BCAS3: variants seen among roughly 807,000 people sequenced by gnomAD.
BCAS3 encodes BCAS3 microtubule associated cell migration factor.
BCAS3 carries 53 observed loss-of-function variants against 116.1 expected under a neutral mutation model. The ratio of observed to expected loss-of-function variants is 0.46; its 90% CI spans 0.37 to 0.57. The LOEUF (loss-of-function observed/expected upper bound fraction) is 0.57. BCAS3 is among the 20% of genes least tolerant of loss of function. The pLI, the probability that BCAS3 is intolerant of heterozygous loss-of-function variation, is 0.00. For synonymous variants in BCAS3, 391 were observed against 408.2 expected (o/e 0.96, Z 0.51); for missense variants, 917 against 1,165.4 (o/e 0.79, Z 3.10).
At chr17:61,027,020 C>T (rs913863461) in intron 16 of BCAS3, 2 of 881,026 alleles carry the variant, frequency 2.3e-6, no homozygotes, top group African/African-American at 3.4e-5. Context: ...GATAGATGCA[C>T]CAAGTTACTG....
chr17:60,963,783 C>T (rs981803372), intron 14 of BCAS3, among the ~76,000 whole-genome samples: 1 of 152,152 alleles, frequency 6.6e-6, no homozygotes, highest in East Asian at 1.9e-4. Context: ...TCTCGATCTC[C>T]TGACCTCATG....
chr17:61,192,896 C>G (rs193216459), intron 22 of BCAS3, among the ~76,000 whole-genome samples: 1 of 152,146 alleles, frequency 6.6e-6, no homozygotes, highest in East Asian at 1.9e-4. Flanking sequence ...TGGAGTTGTT[C>G]GCTGGCAATT....
At chr17:60,842,878 T>G (rs528200492) in intron 7 of BCAS3, among the ~76,000 whole-genome samples, 1 of 151,528 alleles carries the variant, frequency 6.6e-6, no homozygotes, top group Admixed American at 6.6e-5. Flanking sequence ...TTTTTTTATA[T>G]TTTTATTTTT....
chr17:61,262,684 A>T (rs1283347324), intron 22 of BCAS3, among the ~76,000 whole-genome samples: 1 of 141,056 alleles, frequency 7.1e-6, no homozygotes, highest in African/African-American at 2.7e-5. Flanking sequence ...CCCGGCCAGG[A>T]GACTTAATTT....
intron 22 of BCAS3, among the ~76,000 whole-genome samples, chr17:61,319,984 G>A (rs2055068674): frequency 6.7e-6 from 1 of 150,082 alleles, no homozygotes; most frequent in African/African-American, 2.5e-5. Context: ...TCTGCCTCCT[G>A]GGTTCAAGCA....
At chr17:60,924,847 G>C (rs1331708299) in intron 13 of BCAS3, among the ~76,000 whole-genome samples, 1 of 150,222 alleles carries the variant, frequency 6.7e-6, no homozygotes, top group Non-Finnish European at 1.5e-5. Flanking sequence ...TTTGTAACTT[G>C]AAGTTTTGTG....
intron 15 of BCAS3, among the ~76,000 whole-genome samples, chr17:60,992,116 T>G (rs965346108): frequency 6.6e-6 from 1 of 151,796 alleles, no homozygotes; most frequent in African/African-American, 2.4e-5. Flanking sequence ...TTCTTTTGAG[T>G]ATGTACCTAT....
rs573550411 is a variant in BCAS3 at position 61,105,322 on chromosome 17, C to G, written c.2425+20758C>G. ...AGAAAAACCTAGGAGGAGCTAGTTC[C>G]ATTTGTGAGGTTTTCAATAAAACTT... On this transcript the variant is annotated intron_variant, in intron 22 of 23. Transcript: ENST00000407086. This position sits in a 1 kb window ranked among gnomAD's most constrained non-coding sequence, Gnocchi z 4.3. Among the ~76,000 whole-genome samples, 4 of 152,154 alleles carry G rather than the reference C, an allele frequency of 2.6e-5. No individual in the cohort carries two copies. The highest frequency in any genetic ancestry group is 7.2e-5 in the African/African-American group (3 of 41,436).
chr17:61,210,492 T>C (rs1488677781), intron 22 of BCAS3, among the ~76,000 whole-genome samples: 2 of 152,194 alleles, frequency 1.3e-5, no homozygotes, highest in Non-Finnish European at 2.9e-5. Context: ...GAGCCAGCAG[T>C]AAGAAGTAAG....
At position 61,133,859 on chromosome 17, in the gene BCAS3, C is replaced by CAAAAA. The variant is rs11449964; in HGVS notation, c.2425+49314_2425+49318dup. On this transcript the variant is annotated intron_variant, in intron 22 of 23. Coordinates refer to ENST00000407086, the MANE Select transcript of BCAS3 (RefSeq NM_017679.5). ...ATTGGCCTGCAACTGCCTGGAATCT[C>CAAAAA]AAAAAAAAAAAAAAAAAAAAAAAGG... 1.1e-3 allele frequency among the ~76,000 whole-genome samples: 86 copies of CAAAAA among 81,862 alleles called. 1 individual carries two copies. Among genetic ancestry groups the CAAAAA allele is most frequent in the African/African-American group, 2.7e-3 (59 of 21,904 alleles). 53.7% of individuals were successfully genotyped at this position (81,862 alleles called of 152,430 possible).
At position 61,029,602 on chromosome 17, in the gene BCAS3, C is replaced by T. The variant is rs76748519; in HGVS notation, c.1638-5064C>T. ...AGGAATGTATCAAGCTCTGAATTTGCATGTAGTGTTGTATTTAAGCTACTG... is the reference window on the plus strand; with the variant it reads ...AGGAATGTATCAAGCTCTGAATTTGTATGTAGTGTTGTATTTAAGCTACTG... On this transcript the variant is annotated intron_variant, in intron 16 of 23. Coordinates refer to ENST00000407086, the MANE Select transcript of BCAS3 (RefSeq NM_017679.5). The surrounding 1 kb of genome is among the most constrained non-coding windows in gnomAD (Gnocchi z 5.2). 0.041 allele frequency among the ~76,000 whole-genome samples: 6,231 copies of T among 151,928 alleles called. 462 individuals are homozygous for T. The highest frequency in any genetic ancestry group is 0.14 in the African/African-American group (5,857 of 41,472).
chr17:61,039,108 C>A (rs368405400), intron 18 of BCAS3, among the ~76,000 whole-genome samples: 1 of 152,208 alleles, frequency 6.6e-6, no homozygotes, highest in African/African-American at 2.4e-5. Context: ...TTATTTTTCT[C>A]CAACCCTTCA....
chr17:61,298,825 A>ATTTATTTAT (rs1568788631), intron 22 of BCAS3, among the ~76,000 whole-genome samples: 4 of 119,692 alleles, frequency 3.3e-5, no homozygotes, highest in African/African-American at 1.4e-4. Flanking sequence ...TTTATTTATT[A>ATTTATTTAT]TTATTATTAT....
intron 22 of BCAS3, among the ~76,000 whole-genome samples, chr17:61,166,938 A>G (rs1044547279): frequency 6.6e-6 from 1 of 151,616 alleles, no homozygotes; most frequent in Non-Finnish European, 1.5e-5. Context: ...CTCCATCTCT[A>G]CAACAATGTG....
chr17:61,060,638 TG>T (rs1350135587), intron 19 of BCAS3, among the ~76,000 whole-genome samples: 1 of 152,232 alleles, frequency 6.6e-6, no homozygotes, highest in Non-Finnish European at 1.5e-5. Context: ...TTCAATCTTT[TG>T]AAACATTCAT....
In BCAS3 at chr17:61,034,314, T is replaced by A. The variant is rs913969760; in HGVS notation, c.1638-352T>A. Among the ~76,000 whole-genome samples the A allele has an allele frequency of 6.6e-6, 1 of 152,346 alleles. No individual in the cohort carries two copies. The highest frequency in any genetic ancestry group is 1.9e-4 in the East Asian group (1 of 5,192). On this transcript the variant is annotated intron_variant, in intron 16 of 23. Coordinates refer to ENST00000407086, the MANE Select transcript of BCAS3 (RefSeq NM_017679.5). The surrounding 1 kb of genome is among the most constrained non-coding windows in gnomAD (Gnocchi z 5.0). ...TATAGAAATGAAGTGATAAACCATT[T>A]TATTATTGTGAGATGTTCATGCTGG...
intron 6 of BCAS3, among the ~76,000 whole-genome samples, chr17:60,799,543 T>TTTTG (rs1378665239): frequency 2.1e-5 from 3 of 141,820 alleles, no homozygotes; most frequent in Admixed American, 7.0e-5. Flanking sequence ...TTTTTTTTTT[T>TTTTG]TTGGAGACAG....
At chr17:60,952,444 C>A (rs575847406) in intron 14 of BCAS3, among the ~76,000 whole-genome samples, 1 of 151,860 alleles carries the variant, frequency 6.6e-6, no homozygotes. Flanking sequence ...CTCAGCCTCC[C>A]GAGTAGCTGG....
intron 12 of BCAS3, among the ~76,000 whole-genome samples, chr17:60,917,949 T>C (rs965450556): frequency 1.3e-5 from 2 of 152,198 alleles, no homozygotes; most frequent in Non-Finnish European, 2.9e-5. Context: ...CATTTCTAAT[T>C]GAGTCTCTAC....
Sources: gnomAD v4.1 joint callset for allele counts (sites outside exome capture counted in the v4.1 genomes callset) on GRCh38, gnomAD v4.1.1 for gene constraint, Gnocchi (gnomAD v3.1) non-coding constraint, MANE v1.5 for transcripts, NCBI Gene and HGNC (gene_info 2026-07-23, HGNC 2026-07-21) for gene names.